AKAP6: variants seen among roughly 807,000 people sequenced by gnomAD.
The protein encoded by AKAP6 is A-kinase anchor protein 6.
A neutral mutation model predicts 188.5 loss-of-function variants in AKAP6; 58 were observed. That is an observed-to-expected ratio of 0.31 (90% CI 0.25 to 0.38). The LOEUF (loss-of-function observed/expected upper bound fraction) is 0.38. AKAP6 is among the 10% of genes least tolerant of loss of function. The pLI, the probability that AKAP6 is intolerant of heterozygous loss-of-function variation, is 1.00. For synonymous variants in AKAP6, 989 were observed against 998.6 expected (o/e 0.99, Z 0.18); for missense variants, 2,710 against 2,740.0 (o/e 0.99, Z 0.24).
intron 7 of AKAP6, among the ~76,000 whole-genome samples, chr14:32,674,118 A>G (rs185664998): frequency 6.6e-5 from 10 of 152,320 alleles, no homozygotes. Context: ...AATACGTGCA[A>G]AGGTCCTGAG....
In AKAP6 at chr14:32,835,109, G is replaced by A. The variant is rs1357247279; in HGVS notation, c.*5304G>A. The A allele has an allele frequency of 5.3e-5, 8 of 152,130 alleles. No homozygotes were observed. Among genetic ancestry groups the A allele is most frequent in the Non-Finnish European group, 2.9e-5 (2 of 68,006 alleles). The allele number at this position is 152,130 out of a possible 1,614,324, so 9.4% of individuals were successfully genotyped here. On this transcript the variant is annotated 3_prime_UTR_variant, in exon 14 of 14. Coordinates refer to ENST00000280979, the MANE Select transcript of AKAP6 (RefSeq NM_004274.5). ...ACAAAGTTACGTACTTGCAACAAAA[G>A]CCATATGGCCTGCAAAACCTAAAAC...
intron 1 of AKAP6, among the ~76,000 whole-genome samples, chr14:32,355,031 A>G (rs1887432546): frequency 6.6e-6 from 1 of 152,050 alleles, no homozygotes; most frequent in Non-Finnish European, 1.5e-5. Context: ...CCTGCTTGCT[A>G]CCCTAGTTCT....
At chr14:32,677,195 C>A (rs912553839) in intron 7 of AKAP6, among the ~76,000 whole-genome samples, 1 of 152,134 alleles carries the variant, frequency 6.6e-6, no homozygotes, top group Non-Finnish European at 1.5e-5. Flanking sequence ...TAAGCAGCTG[C>A]CACTTTATAA....
intron 2 of AKAP6, among the ~76,000 whole-genome samples, chr14:32,522,492 G>GA (rs139645755): frequency 0.27 from 40,986 of 151,920 alleles, 5,926 homozygotes; most frequent in East Asian, 0.37. Context: ...AAACTTACAA[G>GA]AAAAAATCAA....
chr14:32,512,284 T>G (rs1168282882), intron 2 of AKAP6, among the ~76,000 whole-genome samples: 1 of 152,204 alleles, frequency 6.6e-6, no homozygotes, highest in African/African-American at 2.4e-5. Flanking sequence ...ACTCGTTGTT[T>G]GATATGAGTA....
At chr14:32,501,340 A>G (rs1369877854) in intron 2 of AKAP6, among the ~76,000 whole-genome samples, 1 of 152,186 alleles carries the variant, frequency 6.6e-6, no homozygotes, top group Admixed American at 6.6e-5. Flanking sequence ...CACATTGGAC[A>G]GTACAGATCT....
intron 1 of AKAP6, among the ~76,000 whole-genome samples, chr14:32,407,473 A>G (rs1486971547): frequency 6.6e-6 from 1 of 152,242 alleles, no homozygotes; most frequent in Non-Finnish European, 1.5e-5. Flanking sequence ...GTGTGAGGGC[A>G]GAGTCTGAGC....
intron 11 of AKAP6, among the ~76,000 whole-genome samples, chr14:32,745,486 TC>T (rs2031862522): frequency 8.4e-6 from 1 of 118,426 alleles, no homozygotes; most frequent in Non-Finnish European, 2.0e-5. Context: ...TCTCTCTCTC[TC>T]TCTCTCTCTG....
intron 11 of AKAP6, among the ~76,000 whole-genome samples, chr14:32,770,926 T>C (rs2032879266): frequency 6.6e-6 from 1 of 152,228 alleles, no homozygotes; most frequent in Non-Finnish European, 1.5e-5. Flanking sequence ...GTTTGTCTTA[T>C]TTCTGTGCTT....
chr14:32,593,011 AACACACACACACACACACACACAC>A (rs60277036), intron 5 of AKAP6, among the ~76,000 whole-genome samples: 6 of 123,800 alleles, frequency 4.8e-5, no homozygotes, highest in African/African-American at 1.6e-4. Context: ...CCCCCACCCC[AACACACACACACACACACACACAC>A]ACACACACAC....
intron 4 of AKAP6, among the ~76,000 whole-genome samples, chr14:32,574,649 T>C (rs1566583476): frequency 2.0e-5 from 3 of 152,210 alleles, no homozygotes; most frequent in Admixed American, 6.5e-5. Context: ...AACCACTTGT[T>C]CCCTAAATAA....
intron 2 of AKAP6, among the ~76,000 whole-genome samples, chr14:32,501,463 G>T (rs1244507284): frequency 1.3e-5 from 2 of 152,024 alleles, no homozygotes; most frequent in African/African-American, 4.8e-5. Context: ...ATTCAACCTG[G>T]CACCAAAGTA....
chr14:32,747,432 A>T (rs981384186), intron 11 of AKAP6, among the ~76,000 whole-genome samples: 1 of 152,208 alleles, frequency 6.6e-6, no homozygotes, highest in Non-Finnish European at 1.5e-5. Context: ...TTCAAATTCA[A>T]TAGACATCAA....
intron 12 of AKAP6, among the ~76,000 whole-genome samples, chr14:32,785,697 C>T (rs1299156223): frequency 7.3e-6 from 1 of 137,464 alleles, no homozygotes; most frequent in Admixed American, 7.7e-5. Flanking sequence ...CTATAAATAT[C>T]CTTGCTTTGC....
At chr14:32,547,644 AAAATC>A (rs1326736902) in intron 4 of AKAP6, among the ~76,000 whole-genome samples, 1 of 152,162 alleles carries the variant, frequency 6.6e-6, no homozygotes, top group Admixed American at 6.5e-5. Flanking sequence ...AGACTTATCA[AAAATC>A]TCAGGACCGA....
chr14:32,510,356 A>ATATATATATGTG (rs1169716662), intron 2 of AKAP6, among the ~76,000 whole-genome samples: 1 of 56,942 alleles, frequency 1.8e-5, no homozygotes, highest in African/African-American at 9.6e-5. Context: ...ATATGGATAC[A>ATATATATATGTG]TATATATATG....
intron 2 of AKAP6, among the ~76,000 whole-genome samples, chr14:32,480,850 G>C (rs140010804): frequency 1.1e-3 from 171 of 152,140 alleles, no homozygotes; most frequent in Middle Eastern, 0.01. Context: ...TGGTTTTCTT[G>C]TTGCTTCAAC....
At chr14:32,475,993 T>A (rs906219485) in intron 2 of AKAP6, among the ~76,000 whole-genome samples, 3 of 152,126 alleles carry the variant, frequency 2.0e-5, no homozygotes, top group African/African-American at 7.2e-5. Flanking sequence ...TTCAGCTCTT[T>A]TAACTACTCA....
At chr14:32,788,972 T>C (rs2033521157) in intron 12 of AKAP6, among the ~76,000 whole-genome samples, 3 of 152,182 alleles carry the variant, frequency 2.0e-5, no homozygotes, top group Admixed American at 2.0e-4. Context: ...CAGGACTGAG[T>C]TCCTGGGGAG....
Sources: gnomAD v4.1 joint callset for allele counts (sites outside exome capture counted in the v4.1 genomes callset) on GRCh38, gnomAD v4.1.1 for gene constraint, MANE v1.5 for transcripts, NCBI Gene and HGNC (gene_info 2026-07-23, HGNC 2026-07-21) for gene names.